DOCK7: variants seen among roughly 807,000 people sequenced by gnomAD.
The protein encoded by DOCK7 is dedicator of cytokinesis protein 7.
A neutral mutation model predicts 271.0 loss-of-function variants in DOCK7; 138 were observed. The observed-to-expected ratio is 0.51, with a 90% CI of 0.44 to 0.59. DOCK7 has a LOEUF of 0.59. DOCK7 is among the 20% of genes least tolerant of loss of function. The pLI is 0.00. For synonymous variants in DOCK7, 823 were observed against 876.1 expected (o/e 0.94, Z 1.07); for missense variants, 2,066 against 2,592.4 (o/e 0.80, Z 4.41).
intron 28 of DOCK7, among the ~76,000 whole-genome samples, chr1:62,536,202 C>A (rs560249251): frequency 6.6e-6 from 1 of 152,074 alleles, no homozygotes; most frequent in South Asian, 2.1e-4. Flanking sequence ...TTTCTTAGTG[C>A]AACAATAGAT....
At chr1:62,581,283 G>C (rs891941354) in intron 16 of DOCK7, among the ~76,000 whole-genome samples, 6 of 152,084 alleles carry the variant, frequency 3.9e-5, no homozygotes, top group Non-Finnish European at 8.8e-5. Context: ...CCAGAAACAG[G>C]ACAGCACAGG....
chr1:62,598,000 T>C, intron 14 of DOCK7: 1 of 1,568,434 alleles, frequency 6.4e-7, no homozygotes, highest in East Asian at 2.3e-5. Context: ...GAAGAGCAAC[T>C]AACTAACTTA....
At chr1:62,458,123 C>A in intron 48 of DOCK7, 1 of 183,482 alleles carries the variant, frequency 5.5e-6, no homozygotes, top group Non-Finnish European at 1.2e-5. Flanking sequence ...TGCAATCCAG[C>A]CAGGGCAACA....
chr1:62,572,221 C>G (rs975346156), intron 18 of DOCK7, among the ~76,000 whole-genome samples: 14 of 152,154 alleles, frequency 9.2e-5, no homozygotes, highest in Admixed American at 7.2e-4. Context: ...ACAACAAACC[C>G]TCTAGGTAAT....
rs1645100985 is a variant in DOCK7 at position 62,529,137 on chromosome 1, A to G, written c.3781+140T>C. On this transcript the variant is annotated intron_variant, in intron 30 of 49. Coordinates refer to ENST00000635253, the MANE Select transcript of DOCK7 (RefSeq NM_001367561.1). ...ACACGGTCAAAGGTTTTCTGGCAAT[A>G]TAGTTTAATATTTATAGTTTACTTT... is the stretch of plus-strand genomic sequence containing the variant. The G allele has an allele frequency of 6.4e-6, 5 of 786,276 alleles. No homozygotes were observed. In the South Asian group the frequency reaches 1.8e-4, roughly 28 times the overall value. 48.7% of individuals were successfully genotyped at this position (786,276 alleles called of 1,614,324 possible). A position where few individuals can be genotyped will look rare whatever the true frequency, so the allele number is the denominator to read the frequency against.
intron 1 of DOCK7, among the ~76,000 whole-genome samples, chr1:62,667,574 G>A (rs1224586998): frequency 6.6e-6 from 1 of 152,112 alleles, no homozygotes; most frequent in Non-Finnish European, 1.5e-5. Flanking sequence ...AATTAGCTGG[G>A]CATGGTGGTG....
chr1:62,540,029 TTTTA>T, intron 25 of DOCK7, 137 bp from the exon 26 acceptor site: 1 of 563,620 alleles, frequency 1.8e-6, no homozygotes, highest in Non-Finnish European at 2.8e-6. Flanking sequence ...CTCAAATATT[TTTTA>T]AAGTTCCCTA....
chr1:62,610,339 T>C (rs1276151049), intron 14 of DOCK7, among the ~76,000 whole-genome samples: 1 of 151,824 alleles, frequency 6.6e-6, no homozygotes, highest in East Asian at 1.9e-4. Flanking sequence ...GAAAAAAAAA[T>C]GCTCCTGAAT....
chr1:62,555,814 G>C lies in DOCK7; in HGVS notation c.2596+11C>G, dbSNP rs1227388954. On this transcript the variant is annotated intron_variant, in intron 21 of 49. Transcript: ENST00000635253. ...ATGAAAGACAGCTTCATAGTAAAAA[G>C]AATAAAATACCTGGTGATGATGAAT... is the stretch of plus-strand genomic sequence containing the variant. The C allele has an allele frequency of 1.2e-6, 2 of 1,601,898 alleles. No homozygotes were observed. The highest frequency in any genetic ancestry group is 1.7e-6 in the Non-Finnish European group (2 of 1,175,248).
chr1:62,560,383 C>T (rs116003888), intron 19 of DOCK7, among the ~76,000 whole-genome samples: 167 of 152,212 alleles, frequency 1.1e-3, no homozygotes, highest in African/African-American at 3.8e-3. Flanking sequence ...ACCTCCAAAC[C>T]CAAACTTCAA....
At chr1:62,517,402 C>A (rs1644695998) in intron 31 of DOCK7, among the ~76,000 whole-genome samples, 1 of 152,130 alleles carries the variant, frequency 6.6e-6, no homozygotes, top group Non-Finnish European at 1.5e-5. Context: ...TCGAGATCAG[C>A]CGGACCAAAA....
intron 29 of DOCK7, 32 bp downstream of exon 29, chr1:62,535,461 A>G (rs753565659): frequency 6.3e-7 from 1 of 1,599,438 alleles, no homozygotes; most frequent in East Asian, 2.2e-5. Context: ...AATCAAACTC[A>G]TATTCTACAA....
chr1:62,496,489 G>C lies in DOCK7; in HGVS notation c.4773C>G (p.Ala1591=). Residue 1591 remains alanine, a synonymous_variant, in exon 38 of 50, where the codon GCC becomes GCG. Coordinates refer to ENST00000635253, the MANE Select transcript of DOCK7 (RefSeq NM_001367561.1). The stretch of plus-strand genomic sequence containing the variant: ...ACATTGTTACCTGCATTTTAACCCT[G>C]GCAAAGTTCTGTAACAGAGAAATTG... ...RQNFEIGNNF[A]RVKMQVTMSL... 1 of 1,610,798 alleles carries C rather than the reference G, an allele frequency of 6.2e-7. No homozygotes were observed. Among genetic ancestry groups the C allele is most frequent in the Non-Finnish European group, 8.5e-7 (1 of 1,178,840 alleles).
At chr1:62,539,154 T>C (rs1645444930) in intron 27 of DOCK7, among the ~76,000 whole-genome samples, 1 of 152,172 alleles carries the variant, frequency 6.6e-6, no homozygotes, top group Non-Finnish European at 1.5e-5. Context: ...TTAGGAGGAA[T>C]ACCCAGCAAA....
intron 37 of DOCK7, among the ~76,000 whole-genome samples, chr1:62,498,570 C>T (rs1335616736): frequency 1.3e-5 from 2 of 151,674 alleles, no homozygotes; most frequent in Non-Finnish European, 2.9e-5. Flanking sequence ...ACCATCTGAA[C>T]TAGATTCATC....
At chr1:62,551,339 C>T (rs182017913) in intron 22 of DOCK7, among the ~76,000 whole-genome samples, 78 of 126,798 alleles carry the variant, frequency 6.2e-4, no homozygotes, top group African/African-American at 1.9e-3. Context: ...TTAATGACAG[C>T]TGATGAACTT....
In DOCK7 at chr1:62,559,201, A is replaced by C. The variant is rs779029615; in HGVS notation, c.2219T>G (p.Phe740Cys). 1 of 1,612,878 alleles carries C rather than the reference A, an allele frequency of 6.2e-7. No homozygotes were observed. The highest frequency in any genetic ancestry group is 8.5e-7 in the Non-Finnish European group (1 of 1,179,228). ...ATCCAGAGCATTGACCAGAGCAAAA[A>C]ATTTGTCAAGATAAGGATCCTAAAA... is the stretch of plus-strand genomic sequence containing the variant. ...IHTQDPYLDK[F>C]FALVNALDEH... The change falls in exon 20 of 50, where the codon TTT becomes TGT. Residue 740 changes from phenylalanine to cysteine, a missense_variant. By Grantham distance (205) the Phe-to-Cys change is radical. Coordinates refer to ENST00000635253, the MANE Select transcript of DOCK7 (RefSeq NM_001367561.1).
intron 13 of DOCK7, among the ~76,000 whole-genome samples, chr1:62,619,150 C>A (rs887859025): frequency 2.0e-5 from 3 of 151,466 alleles, no homozygotes; most frequent in Admixed American, 1.3e-4. Context: ...GAAAAAAAAA[C>A]CAGAGGGATC....
rs149945770 is a variant in DOCK7, at chr1:62,501,339, A to T, written c.4764+3291T>A. On this transcript the variant is annotated intron_variant, in intron 37 of 49. Transcript: ENST00000635253. ...GACTACAAACTAAGACTGAAATGTT[A>T]CAGCTAAGAAAAACACTAGGAGGGT... is the stretch of plus-strand genomic sequence containing the variant. Among the ~76,000 whole-genome samples the T allele has an allele frequency of 1.8e-3, 276 of 152,314 alleles. 1 individual carries two copies. Among genetic ancestry groups the T allele is most frequent in the African/African-American group, 6.4e-3 (268 of 41,588 alleles).
Sources: gnomAD v4.1 joint callset for allele counts (sites outside exome capture counted in the v4.1 genomes callset) on GRCh38, gnomAD v4.1.1 for gene constraint, MANE v1.5 for transcripts, NCBI Gene and HGNC (gene_info 2026-07-23, HGNC 2026-07-21) for gene names.